The following SCN3A variants were observed in gnomAD, a reference collection of about 807,000 sequenced individuals.
The protein encoded by SCN3A is sodium voltage-gated channel alpha subunit 3.
A neutral mutation model predicts 187.6 loss-of-function variants in SCN3A; 60 were observed. That is an observed-to-expected ratio of 0.32 (90% CI 0.26 to 0.40). SCN3A has a LOEUF of 0.40. Ranked by LOEUF, SCN3A falls within the 10% of genes least tolerant of loss-of-function variation. The probability of loss-of-function intolerance (pLI) is 1.00; values close to 1 mark genes in which losing one functional copy is unlikely to be tolerated. For synonymous variants in SCN3A, 788 were observed against 829.2 expected (o/e 0.95, Z 0.85); for missense variants, 1,601 against 2,428.2 (o/e 0.66, Z 7.16).
intron 1 of SCN3A, among the ~76,000 whole-genome samples, chr2:165,189,905 A>C (rs1259968294): frequency 6.6e-6 from 1 of 152,206 alleles, no homozygotes; most frequent in African/African-American, 2.4e-5. Flanking sequence ...TACCTGCTTA[A>C]GAATTTTTCA....
chr2:165,106,908 G>A (rs1289816777), intron 21 of SCN3A, among the ~76,000 whole-genome samples: 1 of 152,202 alleles, frequency 6.6e-6, no homozygotes, highest in African/African-American at 2.4e-5. Context: ...TTGCAGTGGT[G>A]TTGATGTGCT....
At chr2:165,193,383 A>C (rs1358093659) in intron 1 of SCN3A, among the ~76,000 whole-genome samples, 2 of 152,180 alleles carry the variant, frequency 1.3e-5, no homozygotes, top group Non-Finnish European at 2.9e-5. Context: ...GCAGTGGAGC[A>C]GAAACCACAT....
chr2:165,156,809 C>A (rs1288702508), intron 9 of SCN3A, among the ~76,000 whole-genome samples: 1 of 152,128 alleles, frequency 6.6e-6, no homozygotes, highest in Non-Finnish European at 1.5e-5. Context: ...GCCTTGGCCT[C>A]CTGAAGTACT....
intron 2 of SCN3A, among the ~76,000 whole-genome samples, chr2:165,184,143 A>G (rs1053793582): frequency 6.6e-6 from 1 of 152,162 alleles, no homozygotes; most frequent in African/African-American, 2.4e-5. Flanking sequence ...CAACAGCATA[A>G]GATTTATCAA....
At chr2:165,150,695 CAA>C (rs1310684228) in intron 11 of SCN3A, among the ~76,000 whole-genome samples, 1 of 151,986 alleles carries the variant, frequency 6.6e-6, no homozygotes, top group Non-Finnish European at 1.5e-5. Context: ...TTTCTAAGTT[CAA>C]AAAGACTATA....
intron 15 of SCN3A, among the ~76,000 whole-genome samples, chr2:165,134,780 A>T (rs1354403224): frequency 6.6e-6 from 1 of 152,172 alleles, no homozygotes; most frequent in East Asian, 1.9e-4. Context: ...TATTATTTGA[A>T]ATAGGCACTC....
At chr2:165,138,205 G>A (rs1574191801) in intron 14 of SCN3A, 88 bp from the exon 15 acceptor site, 2 of 933,662 alleles carry the variant, frequency 2.1e-6, no homozygotes, top group African/African-American at 3.3e-5. Flanking sequence ...TAACAAAATT[G>A]ATGCTTATAT....
chr2:165,197,564 A>C (rs1190491747), intron 1 of SCN3A, among the ~76,000 whole-genome samples: 1 of 146,648 alleles, frequency 6.8e-6, no homozygotes, highest in Non-Finnish European at 1.5e-5. Flanking sequence ...GTATGTTTGC[A>C]TATCTCTTTC....
chr2:165,163,300 C>T (rs777766858), intron 7 of SCN3A, among the ~76,000 whole-genome samples: 22 of 152,206 alleles, frequency 1.4e-4, no homozygotes, highest in Non-Finnish European at 2.6e-4. Context: ...TTTTGAACTA[C>T]ATCTGCAGCG....
rs139649979 is a variant in SCN3A, at chr2:165,194,402, C to A, written c.-247-7655G>T. Among the ~76,000 whole-genome samples, 703 of 152,176 alleles carry A rather than the reference C, an allele frequency of 4.6e-3. 9 individuals are homozygous for A. The highest frequency in any genetic ancestry group is 0.044 in the East Asian group (225 of 5,162). Reference sequence around the variant, plus strand: ...AGAAACTTCTGAGGGTATAGCAATACCCTTATACCCTGAACGTGGGTCACT... The same window carrying A: ...AGAAACTTCTGAGGGTATAGCAATAACCTTATACCCTGAACGTGGGTCACT... On this transcript the variant is annotated intron_variant, in intron 1 of 27. Coordinates refer to ENST00000283254, the MANE Select transcript of SCN3A (RefSeq NM_006922.4).
intron 5 of SCN3A, among the ~76,000 whole-genome samples, chr2:165,165,705 T>C (rs1372436871): frequency 6.6e-6 from 1 of 152,200 alleles, no homozygotes; most frequent in Non-Finnish European, 1.5e-5. Flanking sequence ...ATTCATTAGA[T>C]TTTTCAGCCT....
intron 2 of SCN3A, among the ~76,000 whole-genome samples, chr2:165,184,221 T>C (rs901366979): frequency 6.6e-5 from 10 of 152,132 alleles, no homozygotes; most frequent in African/African-American, 2.2e-4. Context: ...CAGAATTAAA[T>C]ACTATTTTCT....
At chr2:165,192,771 G>T (rs1691697103) in intron 1 of SCN3A, among the ~76,000 whole-genome samples, 1 of 152,052 alleles carries the variant, frequency 6.6e-6, no homozygotes, top group Non-Finnish European at 1.5e-5. Context: ...ATCTTCTGTT[G>T]TTATTGAAGA....
intron 26 of SCN3A, chr2:165,093,126 A>G (rs1039627070): frequency 6.6e-6 from 1 of 152,282 alleles, no homozygotes; most frequent in Non-Finnish European, 1.5e-5. Flanking sequence ...CTTGATTTGA[A>G]TAAGTATGAT....
At chr2:165,115,312 C>T (rs1353585024) in intron 19 of SCN3A, 143 bp downstream of exon 19, 13 of 891,210 alleles carry the variant, frequency 1.5e-5, no homozygotes, top group Non-Finnish European at 2.2e-5. Flanking sequence ...AGCAATCCTC[C>T]TACCGTAGCC....
At chr2:165,162,899 ATT>A in intron 7 of SCN3A, 71 bp from the exon 8 acceptor site, 1 of 1,551,868 alleles carries the variant, frequency 6.4e-7, no homozygotes, top group Non-Finnish European at 8.9e-7. Context: ...AGTCACACAC[ATT>A]CTCTTTCCCC....
intron 21 of SCN3A, among the ~76,000 whole-genome samples, chr2:165,102,877 T>A (rs73019872): frequency 0.024 from 3,601 of 152,282 alleles, 141 homozygotes; most frequent in African/African-American, 0.082. Flanking sequence ...TGTTGCGTAT[T>A]TGACTTATAT....
chr2:165,126,269 G>T (rs1361854879), intron 18 of SCN3A, among the ~76,000 whole-genome samples: 1 of 152,042 alleles, frequency 6.6e-6, no homozygotes, highest in Non-Finnish European at 1.5e-5. Context: ...TAATAGTAAA[G>T]AATTTTAATC....
chr2:165,163,628 T>G lies in SCN3A; in HGVS notation c.684A>C (p.Ser228=), dbSNP rs752284484. 3.7e-6 allele frequency: 6 copies of G among 1,613,912 alleles called. No homozygotes were observed. In the African/African-American group the frequency reaches 8.0e-5, roughly 22 times the overall value. ...FRVLRALKTI[S]VIPGLKTIVG... ...TAACCTAGCTCTCACCTGGAATGAC[T>G]GAAATTGTTTTCAGTGCTCGGAGAA... The change falls in exon 7 of 28, where the codon TCA becomes TCC. Residue 228 remains serine (S), a synonymous_variant. Coordinates refer to ENST00000283254, the MANE Select transcript of SCN3A (RefSeq NM_006922.4).
Sources: gnomAD v4.1 joint callset for allele counts (sites outside exome capture counted in the v4.1 genomes callset) on GRCh38, gnomAD v4.1.1 for gene constraint, MANE v1.5 for transcripts, NCBI Gene and HGNC (gene_info 2026-07-23, HGNC 2026-07-21) for gene names.